Variants in SUGCT observed in about 807,000 individuals in gnomAD.
The protein encoded by SUGCT is succinyl-CoA:glutarate-CoA transferase, also known as succinyl-CoA:glutarate CoA-transferase.
A neutral mutation model predicts 55.0 loss-of-function variants in SUGCT; 41 were observed. That is an observed-to-expected ratio of 0.74 (90% CI 0.58 to 0.97). The LOEUF (loss-of-function observed/expected upper bound fraction) is 0.97. Ranked by LOEUF, SUGCT falls within the 50% of genes least tolerant of loss-of-function variation. The pLI is 0.00. For synonymous variants in SUGCT, 187 were observed against 200.4 expected (o/e 0.93, Z 0.56); for missense variants, 568 against 547.8 (o/e 1.04, Z -0.37).
chr7:40,854,778 T>A (rs2128804114), intron 13 of SUGCT, among the ~76,000 whole-genome samples: 1 of 151,986 alleles, frequency 6.6e-6, no homozygotes, highest in Admixed American at 6.6e-5. Context: ...CTCTAGATTT[T>A]TTTTTAAATT....
chr7:40,819,126 G>A (rs900266693), intron 13 of SUGCT, among the ~76,000 whole-genome samples: 1 of 152,010 alleles, frequency 6.6e-6, no homozygotes, highest in Non-Finnish European at 1.5e-5. Flanking sequence ...TGGTGTATAT[G>A]TGCCACATTT....
intron 9 of SUGCT, among the ~76,000 whole-genome samples, chr7:40,437,573 T>C (rs897723166): frequency 6.6e-6 from 1 of 152,218 alleles, no homozygotes; most frequent in Non-Finnish European, 1.5e-5. Context: ...CATCCATAGA[T>C]GACACTGTTC....
intron 12 of SUGCT, among the ~76,000 whole-genome samples, chr7:40,733,293 C>G (rs1786991130): frequency 6.6e-6 from 1 of 152,130 alleles, no homozygotes; most frequent in Non-Finnish European, 1.5e-5. Context: ...TTGGCATATC[C>G]AAAGGGTCAC....
chr7:40,865,718 G>A (rs1045116261), downstream of SUGCT, among the ~76,000 whole-genome samples: 1 of 152,122 alleles, frequency 6.6e-6, no homozygotes, highest in African/African-American at 2.4e-5. Flanking sequence ...CCAGCGTCAG[G>A]CTGGGTCTTG....
intron 8 of SUGCT, among the ~76,000 whole-genome samples, chr7:40,281,105 CT>C (rs34449730): frequency 6.6e-6 from 1 of 152,116 alleles, no homozygotes; most frequent in African/African-American, 2.4e-5. Flanking sequence ...TTATTACACT[CT>C]TTTTTTCTGA....
intron 12 of SUGCT, among the ~76,000 whole-genome samples, chr7:40,527,650 T>C (rs578195933): frequency 6.6e-6 from 1 of 152,292 alleles, no homozygotes; most frequent in Admixed American, 6.5e-5. Context: ...TTCATGAGGG[T>C]ATGTAGTCTT....
At chr7:40,900,357 G>C in the SUGCT span, among the ~76,000 whole-genome samples, 1 of 152,206 alleles carries the variant, frequency 6.6e-6, no homozygotes, top group Admixed American at 6.5e-5. Flanking sequence ...ATGTTGGACA[G>C]GTGACTAAGC....
intron 9 of SUGCT, among the ~76,000 whole-genome samples, chr7:40,425,122 A>G (rs898064208): frequency 6.6e-6 from 1 of 152,082 alleles, no homozygotes; most frequent in African/African-American, 2.4e-5. Flanking sequence ...TGTAAATGCT[A>G]TGTTCTATTT....
At chr7:40,275,935 G>C (rs1275455499) in intron 8 of SUGCT, among the ~76,000 whole-genome samples, 2 of 152,178 alleles carry the variant, frequency 1.3e-5, no homozygotes. Flanking sequence ...GAAAATATCT[G>C]ATTTGTGCAA....
intron 8 of SUGCT, among the ~76,000 whole-genome samples, chr7:40,275,131 G>A (rs1202240652): frequency 6.6e-6 from 1 of 152,104 alleles, no homozygotes. Context: ...AAAATACACG[G>A]ACCATGAAGA....
At chr7:40,716,891 G>A (rs959618971) in intron 12 of SUGCT, among the ~76,000 whole-genome samples, 5 of 151,914 alleles carry the variant, frequency 3.3e-5, no homozygotes, top group African/African-American at 1.2e-4. Flanking sequence ...GTCTAACTGT[G>A]ATATACCATG....
intron 1 of SUGCT, among the ~76,000 whole-genome samples, chr7:40,169,990 G>T (rs1000757755): frequency 6.6e-6 from 1 of 151,756 alleles, no homozygotes; most frequent in Non-Finnish European, 1.5e-5. Flanking sequence ...CTCCAGAAAG[G>T]CAGTCTCTCT....
intron 10 of SUGCT, among the ~76,000 whole-genome samples, chr7:40,456,155 A>G (rs558777373): frequency 1.3e-5 from 2 of 152,058 alleles, no homozygotes; most frequent in Admixed American, 6.6e-5. Flanking sequence ...CCTCCTGAGT[A>G]GCTGGGATTA....
At chr7:40,968,680 G>A in the SUGCT span, among the ~76,000 whole-genome samples, 39 of 152,202 alleles carry the variant, frequency 2.6e-4, no homozygotes, top group African/African-American at 8.4e-4. Flanking sequence ...GCATAGCTGG[G>A]TAAAGGTAGA....
intron 13 of SUGCT, among the ~76,000 whole-genome samples, chr7:40,827,039 AT>A (rs1436067878): frequency 6.6e-6 from 1 of 152,084 alleles, no homozygotes; most frequent in Non-Finnish European, 1.5e-5. Flanking sequence ...TTGTGCTTCA[AT>A]TTTTTTGTGG....
intron 9 of SUGCT, among the ~76,000 whole-genome samples, chr7:40,436,386 T>C (rs1387210630): frequency 6.6e-6 from 1 of 152,222 alleles, no homozygotes; most frequent in African/African-American, 2.4e-5. Context: ...TCTGTCTCAC[T>C]ATGTATACTC....
chr7:40,758,242 T>C lies in SUGCT; in HGVS notation c.1153+8745T>C, dbSNP rs192606145. 2.2e-4 allele frequency among the ~76,000 whole-genome samples: 33 copies of C among 152,190 alleles called. No individual in the cohort carries two copies. In the East Asian group the frequency reaches 6.4e-3, roughly 30 times the overall value. On this transcript the variant is annotated intron_variant, in intron 13 of 13. Coordinates refer to ENST00000335693, the MANE Select transcript of SUGCT (RefSeq NM_001193313.2). ...TTCAGCATTACCAAGAAGGGACTTCTTGGTGCATGAAGAGATAAATTGGGC... is the reference window on the plus strand; with the variant it reads ...TTCAGCATTACCAAGAAGGGACTTCCTGGTGCATGAAGAGATAAATTGGGC...
intron 6 of SUGCT, among the ~76,000 whole-genome samples, chr7:40,229,812 CAA>C (rs771471649): frequency 2.1e-4 from 13 of 60,760 alleles, no homozygotes; most frequent in Admixed American, 9.6e-4. Flanking sequence ...GACTCTGTCT[CAA>C]AAAAAAAAAA....
At chr7:40,187,201 T>C (rs926128931) in intron 3 of SUGCT, among the ~76,000 whole-genome samples, 1 of 152,010 alleles carries the variant, frequency 6.6e-6, no homozygotes, top group Non-Finnish European at 1.5e-5. Flanking sequence ...AACCAAACAC[T>C]GCATGTTCTC....
Sources: allele counts gnomAD v4.1 joint callset (sites outside exome capture counted in the v4.1 genomes callset), GRCh38; gene constraint gnomAD v4.1.1; transcripts MANE v1.5; gene names NCBI Gene and HGNC (gene_info 2026-07-23, HGNC 2026-07-21).